Variants in PSMC1 observed in about 807,000 individuals in gnomAD.
The protein encoded by PSMC1 is 26S proteasome regulatory subunit 4.
A neutral mutation model predicts 49.8 loss-of-function variants in PSMC1; 5 were observed. The observed-to-expected ratio is 0.10, with a 90% CI of 0.05 to 0.21. PSMC1 has a LOEUF of 0.21. Ranked by LOEUF, PSMC1 falls within the 10% of genes least tolerant of loss-of-function variation. PSMC1 has a pLI of 1.00. For missense variants in PSMC1, 181 were observed against 535.7 expected, an observed-to-expected ratio of 0.34 and a Z score of 6.54; for synonymous variants, 155 against 192.1, an observed-to-expected ratio of 0.81 and a Z score of 1.60.
intron 7 of PSMC1, among the ~76,000 whole-genome samples, chr14:90,265,762 G>A (rs939704153): frequency 4.0e-5 from 6 of 151,684 alleles, no homozygotes; most frequent in African/African-American, 1.5e-4. Flanking sequence ...AAGAGGCTGA[G>A]GTAGGAGGGT....
chr14:90,268,455 C>T (rs1277533657), intron 8 of PSMC1, 42 bp downstream of exon 8: 1 of 1,576,156 alleles, frequency 6.3e-7, no homozygotes, highest in Non-Finnish European at 8.7e-7. Context: ...TAGTAGGGAA[C>T]ACCGCATAGC....
chr14:90,260,515 A>G (rs954747754), intron 3 of PSMC1, among the ~76,000 whole-genome samples: 10 of 152,304 alleles, frequency 6.6e-5, no homozygotes, highest in African/African-American at 2.2e-4. Context: ...GCGGATCACA[A>G]GGTCAGGAGA....
intron 3 of PSMC1, among the ~76,000 whole-genome samples, chr14:90,260,754 AG>A (rs1462123211): frequency 2.0e-5 from 3 of 152,166 alleles, no homozygotes; most frequent in African/African-American, 7.2e-5. Flanking sequence ...AAAACAAAAA[AG>A]TCACCATTTT....
At chr14:90,263,239 A>G (rs1891435348) in intron 3 of PSMC1, 79 bp from the exon 4 acceptor site, 1 of 1,432,398 alleles carries the variant, frequency 7.0e-7, no homozygotes, top group Non-Finnish European at 9.5e-7. Flanking sequence ...AAATGAGCGT[A>G]TTTTAAAATC....
chr14:90,261,691 T>C (rs1891400991), intron 3 of PSMC1, among the ~76,000 whole-genome samples: 1 of 152,184 alleles, frequency 6.6e-6, no homozygotes. Flanking sequence ...GGAACACTTT[T>C]ACACTGTTGG....
In PSMC1 at chr14:90,260,217, G is replaced by A. The variant is rs1397431642; in HGVS notation, c.154+6G>A. 1.9e-6 allele frequency: 3 copies of A among 1,586,510 alleles called. No homozygotes were observed. The highest frequency in any genetic ancestry group is 2.6e-6 in the Non-Finnish European group (3 of 1,159,224). Reference sequence around the variant, plus strand: ...TGCCAGCAAACTGCCACTGGGTAATGACATGGCTTCTCCTTGCCATCTTTC... The same window carrying A: ...TGCCAGCAAACTGCCACTGGGTAATAACATGGCTTCTCCTTGCCATCTTTC... On this transcript the variant is annotated splice_donor_region_variant and intron_variant, in intron 3 of 10. Transcript: ENST00000261303.
At position 90,273,028 on chromosome 14, in the gene PSMC1, A is replaced by AT. The variant is rs1443130025; in HGVS notation, c.*622dup. On this transcript the variant is annotated 3_prime_UTR_variant, in exon 11 of 11. Coordinates refer to ENST00000261303, the MANE Select transcript of PSMC1 (RefSeq NM_002802.3). ...CCCTTCTGAGCCCTTGGGCTCAGAA[A>AT]TCTCATCCCTTTCAAGGTGTTCAGA... is the stretch of plus-strand genomic sequence containing the variant. The AT allele has an allele frequency of 6.6e-6, 1 of 152,162 alleles. No individual in the cohort carries two copies. The highest frequency in any genetic ancestry group is 2.4e-5 in the African/African-American group (1 of 41,430). 9.4% of individuals were successfully genotyped at this position (152,162 alleles called of 1,614,324 possible). A position where few individuals can be genotyped will look rare whatever the true frequency, so the allele number is the denominator to read the frequency against.
In PSMC1 at chr14:90,273,919, T is replaced by C. The variant is rs547581089; in HGVS notation, c.*1512T>C. The C allele has an allele frequency of 6.5e-6, 1 of 154,974 alleles. No homozygotes were observed. Among genetic ancestry groups the C allele is most frequent in the South Asian group, 2.0e-4 (1 of 4,924 alleles). 9.6% of individuals were successfully genotyped at this position (154,974 alleles called of 1,614,324 possible). On this transcript the variant is annotated 3_prime_UTR_variant, in exon 11 of 11. Coordinates refer to ENST00000261303, the MANE Select transcript of PSMC1 (RefSeq NM_002802.3). ...CTGCCTTTTCTATTCTTATGGATCCTTGTGATTGCATTGGACCCATGCAGA... is the reference window on the plus strand; with the variant it reads ...CTGCCTTTTCTATTCTTATGGATCCCTGTGATTGCATTGGACCCATGCAGA...
At chr14:90,259,014 G>A (rs750718935) in intron 1 of PSMC1, 146 bp from the exon 2 acceptor site, 17 of 633,300 alleles carry the variant, frequency 2.7e-5, no homozygotes, top group Non-Finnish European at 4.0e-5. Context: ...TTGACTGCAA[G>A]TATTACATCT....
chr14:90,269,212 A>G (rs190594430), intron 8 of PSMC1, 185 bp from the exon 9 acceptor site: 39 of 589,478 alleles, frequency 6.6e-5, no homozygotes, highest in Non-Finnish European at 1.1e-4. Flanking sequence ...AATTTGGGGA[A>G]ATACATTCAG....
chr14:90,263,489 T>C (rs1891442057), intron 4 of PSMC1, 47 bp downstream of exon 4: 3 of 1,516,302 alleles, frequency 2.0e-6, no homozygotes, highest in Non-Finnish European at 2.7e-6. Flanking sequence ...AATTGAATTC[T>C]ATAAAATTGT....
At chr14:90,261,383 G>A (rs1891394807) in intron 3 of PSMC1, among the ~76,000 whole-genome samples, 1 of 152,166 alleles carries the variant, frequency 6.6e-6, no homozygotes, top group South Asian at 2.1e-4. Context: ...AAGGAAATCA[G>A]TAAAACCAGC....
intron 3 of PSMC1, 93 bp downstream of exon 3, chr14:90,260,304 G>A: frequency 1.2e-6 from 1 of 837,176 alleles, no homozygotes; most frequent in Non-Finnish European, 1.9e-6. Context: ...GTAACAGGAA[G>A]TAGAGGGGCA....
chr14:90,268,162 T>C (rs1891566880), intron 7 of PSMC1, 62 bp from the exon 8 acceptor site: 1 of 1,387,888 alleles, frequency 7.2e-7, no homozygotes, highest in Admixed American at 2.7e-5. Flanking sequence ...ATGATACGAG[T>C]TTTTAAGTTA....
Position 90,274,822 on chromosome 14 carries a change from A to ACACACACACACAC in PSMC1, c.*2416_*2428dup, listed in dbSNP as rs1555358533. On this transcript the variant is annotated 3_prime_UTR_variant, in exon 11 of 11. Transcript: ENST00000261303. ...CACACACACACACACACACACACAC[A>ACACACACACACAC]CACACACACACACACACCCCAATAC... The ACACACACACACAC allele has an allele frequency of 1.6e-4, 19 of 116,404 alleles. No homozygotes were observed. Among genetic ancestry groups the ACACACACACACAC allele is most frequent in the African/African-American group, 7.4e-4 (19 of 25,762 alleles). 7.2% of individuals were successfully genotyped at this position (116,404 alleles called of 1,614,324 possible). A position where few individuals can be genotyped will look rare whatever the true frequency, so the allele number is the denominator to read the frequency against.
At position 90,273,365 on chromosome 14, in the gene PSMC1, C is replaced by G. The variant is rs1269622520; in HGVS notation, c.*958C>G. 5 of 150,686 alleles carry G rather than the reference C, an allele frequency of 3.3e-5. No homozygotes were observed. The highest frequency in any genetic ancestry group is 1.2e-4 in the African/African-American group (5 of 41,300). 9.3% of individuals were successfully genotyped at this position (150,686 alleles called of 1,614,324 possible). ...ACAAGGTCAGAAGTTTGAGGCCAGC[C>G]TGGCCAACATGGTGAAACCCCATCT... On this transcript the variant is annotated 3_prime_UTR_variant, in exon 11 of 11. Transcript: ENST00000261303.
chr14:90,260,232 T>G, intron 3 of PSMC1, 21 bp downstream of exon 3: 1 of 1,540,888 alleles, frequency 6.5e-7, no homozygotes, highest in Non-Finnish European at 8.9e-7. Flanking sequence ...GGCTTCTCCT[T>G]GCCATCTTTC....
intron 7 of PSMC1, among the ~76,000 whole-genome samples, chr14:90,265,720 G>A (rs986996729): frequency 2.7e-5 from 4 of 149,452 alleles, no homozygotes; most frequent in Admixed American, 6.6e-5. Context: ...TTAGGTGGGC[G>A]TGGTAGTGCA....
At chr14:90,262,137 T>C (rs184491689) in intron 3 of PSMC1, among the ~76,000 whole-genome samples, 62,665 of 113,258 alleles carry the variant, frequency 0.55, 17,061 homozygotes, top group Middle Eastern at 0.73. Context: ...CATCACACAC[T>C]GGGGCCTGTC....
Sources: gnomAD v4.1 joint callset for allele counts (sites outside exome capture counted in the v4.1 genomes callset) on GRCh38, gnomAD v4.1.1 for gene constraint, MANE v1.5 for transcripts, NCBI Gene and HGNC (gene_info 2026-07-23, HGNC 2026-07-21) for gene names.